Variants in PLXDC2 observed in about 807,000 individuals in gnomAD.
PLXDC2 encodes the protein plexin domain containing 2.
In PLXDC2, 40 loss-of-function variants were observed where a neutral mutation model predicts 68.9. The ratio of observed to expected loss-of-function variants is 0.58; its 90% CI spans 0.45 to 0.76. The LOEUF (loss-of-function observed/expected upper bound fraction) is 0.76. Among genes scored for constraint, PLXDC2 ranks in the 30% least tolerant of loss-of-function variants. PLXDC2 has a pLI of 0.00. For synonymous variants in PLXDC2, 243 were observed against 234.2 expected (o/e 1.04, Z -0.34); for missense variants, 644 against 661.9 (o/e 0.97, Z 0.30).
At chr10:20,033,652 C>T (rs1835536551) in intron 2 of PLXDC2, among the ~76,000 whole-genome samples, 1 of 152,092 alleles carries the variant, frequency 6.6e-6, no homozygotes, top group African/African-American at 2.4e-5. Context: ...CTTTATAAAA[C>T]CATCAGATCT....
intron 4 of PLXDC2, among the ~76,000 whole-genome samples, chr10:20,101,593 C>T (rs1382617758): frequency 3.9e-5 from 6 of 152,118 alleles, no homozygotes; most frequent in South Asian, 2.1e-4. Flanking sequence ...AATGTTCTTA[C>T]TTTGCTTCCT....
intron 2 of PLXDC2, among the ~76,000 whole-genome samples, chr10:20,039,215 T>C (rs1359688642): frequency 1.3e-5 from 2 of 152,178 alleles, no homozygotes; most frequent in Non-Finnish European, 2.9e-5. Context: ...TTACTGTCGA[T>C]ATAAATGAGA....
In PLXDC2 at chr10:19,882,859, G is replaced by C. The variant is rs529036481; in HGVS notation, c.112+65668G>C. On this transcript the variant is annotated intron_variant, in intron 1 of 13. Transcript: ENST00000377252. ...AAAATGAAACCACCATTATATAGTG[G>C]TTGCTTGTGCTTGAGTCTTGGTTTT... Among the ~76,000 whole-genome samples, 8 of 151,942 alleles carry C rather than the reference G, an allele frequency of 5.3e-5. No homozygotes were observed. The South Asian group carries it at 1.7e-3, about 32-fold the overall frequency.
intron 4 of PLXDC2, among the ~76,000 whole-genome samples, chr10:20,072,521 A>AAGAAAGAAAGAAAG (rs1564304775): frequency 1.1e-4 from 11 of 102,316 alleles, no homozygotes; most frequent in Non-Finnish European, 1.5e-4. Flanking sequence ...GAAAGAAAGA[A>AAGAAAGAAAGAAAG]AGAAAGAAAG....
At chr10:20,065,525 G>A (rs10827950) in intron 3 of PLXDC2, among the ~76,000 whole-genome samples, 54,395 of 151,906 alleles carry the variant, frequency 0.36, 11,300 homozygotes, top group East Asian at 0.7. Context: ...GGATGATTCA[G>A]GCACATTGCA....
intron 1 of PLXDC2, among the ~76,000 whole-genome samples, chr10:19,955,074 A>ATTTTTTT (rs750051734): frequency 1.0e-5 from 1 of 99,288 alleles, no homozygotes; most frequent in Non-Finnish European, 2.0e-5. Context: ...CCTTTCACTG[A>ATTTTTTT]TTTTTTTTTT....
chr10:19,845,469 C>T (rs571396525), intron 1 of PLXDC2, among the ~76,000 whole-genome samples: 1 of 152,198 alleles, frequency 6.6e-6, no homozygotes, highest in East Asian at 1.9e-4. Context: ...AGCGGGAAAC[C>T]CTTCTCCCCA....
intron 9 of PLXDC2, among the ~76,000 whole-genome samples, chr10:20,194,706 T>C (rs1458001927): frequency 2.0e-5 from 3 of 151,886 alleles, no homozygotes; most frequent in African/African-American, 7.2e-5. Flanking sequence ...TACATATGTA[T>C]ACATGTGCCA....
chr10:20,011,039 AATT>A (rs1224995877), intron 2 of PLXDC2, among the ~76,000 whole-genome samples: 11 of 152,220 alleles, frequency 7.2e-5, no homozygotes, highest in African/African-American at 2.4e-4. Flanking sequence ...CTCAGATGAA[AATT>A]ATTATTTTCA....
chr10:20,260,470 A>G (rs753112943), intron 13 of PLXDC2, among the ~76,000 whole-genome samples: 5 of 152,180 alleles, frequency 3.3e-5, no homozygotes, highest in Non-Finnish European at 1.5e-5. Context: ...ATGTCTGGCT[A>G]ATTTCACTTA....
intron 7 of PLXDC2, among the ~76,000 whole-genome samples, chr10:20,168,603 T>C (rs897920425): frequency 6.6e-6 from 1 of 152,144 alleles, no homozygotes; most frequent in African/African-American, 2.4e-5. Flanking sequence ...GAAATCACTG[T>C]TTTTCATAAA....
intron 1 of PLXDC2, among the ~76,000 whole-genome samples, chr10:19,874,304 T>G (rs1837594802): frequency 6.6e-6 from 1 of 152,152 alleles, no homozygotes; most frequent in East Asian, 1.9e-4. Flanking sequence ...CAATTTCTAT[T>G]AGGCAGACAT....
chr10:20,052,722 C>CAAAAAAAAAAAAAAAAAAAAAAAA (rs59776582), intron 3 of PLXDC2, among the ~76,000 whole-genome samples: 1 of 92,812 alleles, frequency 1.1e-5, no homozygotes, highest in Non-Finnish European at 2.4e-5. Context: ...ACAAATTATG[C>CAAAAAAAAAAAAAAAAAAAAAAAA]AAAAAAAAAA....
At chr10:20,241,385 G>C (rs970951876) in intron 12 of PLXDC2, among the ~76,000 whole-genome samples, 2 of 152,114 alleles carry the variant, frequency 1.3e-5, no homozygotes, top group African/African-American at 4.8e-5. Flanking sequence ...CCTGGGAAAA[G>C]CTGCCTCCTT....
intron 1 of PLXDC2, among the ~76,000 whole-genome samples, chr10:19,993,088 C>T (rs1329517620): frequency 2.0e-5 from 3 of 152,080 alleles, no homozygotes. Flanking sequence ...CATGCCAAGC[C>T]CAAGCCCATT....
intron 1 of PLXDC2, among the ~76,000 whole-genome samples, chr10:19,831,723 G>A (rs1275620649): frequency 6.6e-6 from 1 of 152,124 alleles, no homozygotes; most frequent in Non-Finnish European, 1.5e-5. Flanking sequence ...TAAGGATAAT[G>A]TCCTCCATCC....
At chr10:20,094,348 G>A (rs528922932) in intron 4 of PLXDC2, among the ~76,000 whole-genome samples, 1 of 152,328 alleles carries the variant, frequency 6.6e-6, no homozygotes, top group Non-Finnish European at 1.5e-5. Flanking sequence ...CTGAGACACA[G>A]ACAGTAGGCA....
In PLXDC2 at chr10:20,283,563, T is replaced by C. The variant is rs977894047; in HGVS notation, c.*3744T>C. ...AAAGCAAAATTGCTTCAGTTTCTTT[T>C]CTGCCCATCTGAATATTTCCTTTAG... On this transcript the variant is annotated 3_prime_UTR_variant, in exon 14 of 14. Coordinates refer to ENST00000377252, the MANE Select transcript of PLXDC2 (RefSeq NM_032812.9). 3 of 152,206 alleles carry C rather than the reference T, an allele frequency of 2.0e-5. No homozygotes were observed. Among genetic ancestry groups the C allele is most frequent in the African/African-American group, 7.2e-5 (3 of 41,452 alleles). The allele number at this position is 152,206 out of a possible 1,614,324, so 9.4% of individuals were successfully genotyped here.
At chr10:20,115,001 G>A (rs1665543472) in intron 4 of PLXDC2, among the ~76,000 whole-genome samples, 1 of 152,156 alleles carries the variant, frequency 6.6e-6, no homozygotes. Context: ...AACCAATGAG[G>A]AGATAAATAA....
Sources: gnomAD v4.1 joint callset for allele counts (sites outside exome capture counted in the v4.1 genomes callset) on GRCh38, gnomAD v4.1.1 for gene constraint, MANE v1.5 for transcripts, NCBI Gene and HGNC (gene_info 2026-07-23, HGNC 2026-07-21) for gene names.